The following RSRC1 variants were observed in gnomAD, a reference collection of about 807,000 sequenced individuals.
RSRC1 encodes arginine and serine rich coiled-coil 1, also known as serine/Arginine-related protein 53.
In RSRC1, 39 loss-of-function variants were observed where a neutral mutation model predicts 49.1. The ratio of observed to expected loss-of-function variants is 0.79; its 90% CI spans 0.61 to 1.04. RSRC1 has a LOEUF of 1.04. Ranked by LOEUF, RSRC1 falls within the 50% of genes least tolerant of loss-of-function variation. The probability of loss-of-function intolerance (pLI) is 0.00; values close to 1 mark genes in which losing one functional copy is unlikely to be tolerated. For missense variants in RSRC1, 388 were observed against 402.4 expected (o/e 0.96, Z 0.31); for synonymous variants, 143 against 130.8 (o/e 1.09, Z -0.63).
intron 7 of RSRC1, among the ~76,000 whole-genome samples, chr3:158,494,371 G>T (rs1739216940): frequency 6.6e-6 from 1 of 152,170 alleles, no homozygotes; most frequent in Non-Finnish European, 1.5e-5. Flanking sequence ...AACCATAAAT[G>T]GAGTTGTAGA....
At chr3:158,286,809 A>G (rs1487471378) in intron 4 of RSRC1, among the ~76,000 whole-genome samples, 5 of 152,232 alleles carry the variant, frequency 3.3e-5, no homozygotes, top group African/African-American at 4.8e-5. Context: ...TTTCTGAGTT[A>G]TTCAAACTTT....
At chr3:158,479,050 T>C (rs1738504032) in intron 7 of RSRC1, among the ~76,000 whole-genome samples, 1 of 150,756 alleles carries the variant, frequency 6.6e-6, no homozygotes, top group Non-Finnish European at 1.5e-5. Flanking sequence ...TTTTTGTATG[T>C]GTATTTTTGG....
intron 4 of RSRC1, among the ~76,000 whole-genome samples, chr3:158,235,886 G>T (rs1283614665): frequency 6.6e-6 from 1 of 152,192 alleles, no homozygotes; most frequent in East Asian, 1.9e-4. Context: ...GGGAGGCCAA[G>T]GTAGGTGGAT....
At chr3:158,518,126 G>GTATATA (rs1322921127) in intron 7 of RSRC1, among the ~76,000 whole-genome samples, 24 of 68,852 alleles carry the variant, frequency 3.5e-4, no homozygotes, top group East Asian at 6.2e-4. Flanking sequence ...GTGTGTGTGT[G>GTATATA]TATATATATA....
intron 4 of RSRC1, among the ~76,000 whole-genome samples, chr3:158,264,838 T>G (rs968889808): frequency 2.0e-5 from 3 of 152,046 alleles, no homozygotes; most frequent in Admixed American, 6.6e-5. Context: ...GAGTTATGAG[T>G]TTTTCCTGTC....
chr3:158,437,319 TA>T (rs1736102493), intron 6 of RSRC1, among the ~76,000 whole-genome samples: 1 of 152,134 alleles, frequency 6.6e-6, no homozygotes, highest in Non-Finnish European at 1.5e-5. Flanking sequence ...GAAAATGGTT[TA>T]ATAATGGTTA....
intron 3 of RSRC1, among the ~76,000 whole-genome samples, chr3:158,187,647 T>G (rs1720004821): frequency 6.6e-6 from 1 of 151,996 alleles, no homozygotes; most frequent in Non-Finnish European, 1.5e-5. Context: ...GATCCTGGTT[T>G]TACAGTTTAG....
intron 3 of RSRC1, among the ~76,000 whole-genome samples, chr3:158,166,609 A>G (rs541509200): frequency 5.9e-5 from 9 of 152,294 alleles, no homozygotes; most frequent in Admixed American, 2.0e-4. Flanking sequence ...AGATGTGTGT[A>G]TTTAGTTCCC....
chr3:158,423,268 G>T (rs1343032888), intron 6 of RSRC1, among the ~76,000 whole-genome samples: 1 of 152,082 alleles, frequency 6.6e-6, no homozygotes, highest in African/African-American at 2.4e-5. Context: ...GTGTAAGGAA[G>T]GGATCCAGTT....
At chr3:158,517,327 T>C (rs891497009) in intron 7 of RSRC1, among the ~76,000 whole-genome samples, 1 of 152,196 alleles carries the variant, frequency 6.6e-6, no homozygotes, top group Non-Finnish European at 1.5e-5. Context: ...TTTCCACTTG[T>C]TATATCATTT....
At chr3:158,388,552 A>G (rs951390610) in intron 6 of RSRC1, among the ~76,000 whole-genome samples, 4 of 152,106 alleles carry the variant, frequency 2.6e-5, no homozygotes, top group Admixed American at 6.5e-5. Context: ...TAGGTAATAA[A>G]AGTAGGTCTG....
intron 4 of RSRC1, among the ~76,000 whole-genome samples, chr3:158,237,104 G>T (rs1280710842): frequency 2.6e-5 from 4 of 152,166 alleles, no homozygotes; most frequent in African/African-American, 9.7e-5. Context: ...TTTCAGTTAT[G>T]TATGACAAGA....
intron 4 of RSRC1, among the ~76,000 whole-genome samples, chr3:158,288,837 C>T (rs1230703858): frequency 6.6e-4 from 1 of 1,526 alleles, no homozygotes; most frequent in African/African-American, 1.5e-3. Context: ...CGTTCCCCGC[C>T]CCCCCCCCCC....
intron 4 of RSRC1, among the ~76,000 whole-genome samples, chr3:158,227,530 A>G (rs1722594897): frequency 1.3e-5 from 2 of 152,046 alleles, no homozygotes; most frequent in African/African-American, 4.8e-5. Context: ...ATCACATGAT[A>G]TAAAATGAAT....
chr3:158,441,917 C>G (rs997684562), intron 6 of RSRC1, among the ~76,000 whole-genome samples: 2 of 152,028 alleles, frequency 1.3e-5, no homozygotes, highest in Non-Finnish European at 2.9e-5. Flanking sequence ...GGGTTTGATT[C>G]CAGACCACCA....
intron 6 of RSRC1, among the ~76,000 whole-genome samples, chr3:158,436,418 A>G (rs1175721651): frequency 6.6e-6 from 1 of 151,910 alleles, no homozygotes; most frequent in South Asian, 2.1e-4. Flanking sequence ...AAAAATATAT[A>G]TATATATCTT....
intron 5 of RSRC1, among the ~76,000 whole-genome samples, chr3:158,329,429 T>G (rs1485104975): frequency 1.3e-5 from 2 of 152,234 alleles, no homozygotes; most frequent in Admixed American, 6.5e-5. Context: ...TGGATGTCCT[T>G]TCTGTTTGTT....
At chr3:158,409,769 G>A (rs1734348631) in intron 6 of RSRC1, among the ~76,000 whole-genome samples, 1 of 152,116 alleles carries the variant, frequency 6.6e-6, no homozygotes, top group Admixed American at 6.6e-5. Context: ...ATGATGAGTT[G>A]TGCTGTGAAT....
At chr3:158,128,035 T>C (rs1245381441) in intron 3 of RSRC1, among the ~76,000 whole-genome samples, 1 of 152,168 alleles carries the variant, frequency 6.6e-6, no homozygotes, top group Non-Finnish European at 1.5e-5. Flanking sequence ...TGGTGCTGAG[T>C]CATCCCAGTC....
Sources: gnomAD v4.1 joint callset for allele counts (sites outside exome capture counted in the v4.1 genomes callset) on GRCh38, gnomAD v4.1.1 for gene constraint, MANE v1.5 for transcripts, NCBI Gene and HGNC (gene_info 2026-07-23, HGNC 2026-07-21) for gene names.